Variants in PSAT1 observed in about 807,000 individuals in gnomAD.
PSAT1 encodes the protein phosphoserine aminotransferase 1, also known as phosphoserine aminotransferase.
Under a neutral mutation model 40.3 loss-of-function variants are expected in PSAT1, and 41 were observed. That is an observed-to-expected ratio of 1.02 (90% CI 0.79 to 1.32). The LOEUF (loss-of-function observed/expected upper bound fraction) is 1.32, where lower values mean the gene tolerates loss of function less well. Among genes scored for constraint, PSAT1 ranks in the 40% most tolerant of loss-of-function variants. PSAT1 has a pLI of 0.00. For synonymous variants in PSAT1, 147 were observed against 170.5 expected, an observed-to-expected ratio of 0.86 and a Z score of 1.07; for missense variants, 406 against 455.8, an observed-to-expected ratio of 0.89 and a Z score of 0.99.
At chr9:78,298,520 G>C (rs1828060412) in intron 1 of PSAT1, 1 of 798,474 alleles carries the variant, frequency 1.3e-6, no homozygotes, top group African/African-American at 1.9e-5. Context: ...TTTTAGGCGA[G>C]ATTCCCTGCT....
chr9:78,304,623 A>G (rs1437907343), intron 3 of PSAT1, 112 bp from the exon 4 acceptor site: 60 of 990,496 alleles, frequency 6.1e-5, no homozygotes, highest in Non-Finnish European at 9.3e-5. Context: ...TAACATTACC[A>G]TATTTCTTGT....
At chr9:78,326,956 T>TATATATATATATATATATA (rs1491277712) in intron 7 of PSAT1, among the ~76,000 whole-genome samples, 10 of 59,196 alleles carry the variant, frequency 1.7e-4, no homozygotes, top group Admixed American at 5.7e-4. Flanking sequence ...TATATATATA[T>TATATATATATATATATATA]TTTTTTTTTT....
intron 6 of PSAT1, among the ~76,000 whole-genome samples, chr9:78,311,455 C>T (rs900034763): frequency 7.3e-5 from 11 of 151,580 alleles, no homozygotes; most frequent in Admixed American, 1.3e-4. Context: ...CAGCAAGTTG[C>T]GATCAGGGTA....
At chr9:78,325,306 C>T (rs140403105) in intron 7 of PSAT1, among the ~76,000 whole-genome samples, 412 of 152,318 alleles carry the variant, frequency 2.7e-3, no homozygotes, top group African/African-American at 9.5e-3. Context: ...CTTCACCCCC[C>T]AGTCTCTCCT....
chr9:78,329,482 A>T lies in PSAT1; in HGVS notation c.*396A>T. The T allele has an allele frequency of 3.4e-6, 1 of 291,320 alleles. No homozygotes were observed. Among genetic ancestry groups the T allele is most frequent in the South Asian group, 3.4e-5 (1 of 29,232 alleles). 18.0% of individuals were successfully genotyped at this position (291,320 alleles called of 1,614,324 possible). ...GGGGCCCTCTAGGTGCTGAATCTACACATCTGTGGGGTCTCCTGGGTTCAG... is the reference window on the plus strand; with the variant it reads ...GGGGCCCTCTAGGTGCTGAATCTACTCATCTGTGGGGTCTCCTGGGTTCAG... On this transcript the variant is annotated 3_prime_UTR_variant, in exon 9 of 9. Coordinates refer to ENST00000376588, the MANE Select transcript of PSAT1 (RefSeq NM_058179.4).
chr9:78,321,913 A>G (rs1564018956), intron 7 of PSAT1, among the ~76,000 whole-genome samples: 2 of 152,266 alleles, frequency 1.3e-5, no homozygotes, highest in African/African-American at 4.8e-5. Flanking sequence ...CTGAATCAAG[A>G]ATATATAATA....
chr9:78,302,398 G>A (rs1162498116), intron 3 of PSAT1, among the ~76,000 whole-genome samples: 1 of 152,000 alleles, frequency 6.6e-6, no homozygotes, highest in Non-Finnish European at 1.5e-5. Flanking sequence ...AGTCTCATAC[G>A]ATCTGTCAGA....
chr9:78,325,665 A>C (rs1034921645), intron 7 of PSAT1, among the ~76,000 whole-genome samples: 1 of 152,116 alleles, frequency 6.6e-6, no homozygotes, highest in African/African-American at 2.4e-5. Context: ...CCTACGTATA[A>C]TTGTGATTCC....
chr9:78,320,157 C>T (rs759567481), intron 7 of PSAT1, among the ~76,000 whole-genome samples: 15 of 151,694 alleles, frequency 9.9e-5, no homozygotes, highest in Non-Finnish European at 2.2e-4. Context: ...ACCCACCCAT[C>T]CTTCCACCCA....
Position 78,301,992 on chromosome 9 carries a change from A to G in PSAT1, c.160A>G (p.Asn54Asp). 2 of 1,611,782 alleles carry G rather than the reference A, an allele frequency of 1.2e-6. No homozygotes were observed. The highest frequency in any genetic ancestry group is 1.7e-6 in the Non-Finnish European group (2 of 1,177,956). ...HRSSDFAKII[N>D]NTENLVRELL... ...GTCATCAGATTTTGCCAAGATTATT[A>G]ACAATACAGAGAATCTTGTGCGGGA... The change falls in exon 3 of 9, where the codon AAC (asparagine) becomes GAC (aspartate). Residue 54 changes from asparagine (N) to aspartate (D), a missense_variant. Coordinates refer to ENST00000376588, the MANE Select transcript of PSAT1 (RefSeq NM_058179.4).
At chr9:78,303,504 C>T (rs3758201) in intron 3 of PSAT1, among the ~76,000 whole-genome samples, 92,660 of 151,912 alleles carry the variant, frequency 0.61, 28,682 homozygotes, top group Admixed American at 0.68. Flanking sequence ...ACCTGGTTCC[C>T]ACCTTGTATA....
chr9:78,324,859 T>C (rs1001585673), intron 7 of PSAT1, among the ~76,000 whole-genome samples: 1 of 152,126 alleles, frequency 6.6e-6, no homozygotes, highest in Non-Finnish European at 1.5e-5. Context: ...TTTATGTGAG[T>C]GGTGCGGGGA....
At chr9:78,325,692 C>T (rs556008460) in intron 7 of PSAT1, among the ~76,000 whole-genome samples, 1 of 152,366 alleles carries the variant, frequency 6.6e-6, no homozygotes, top group South Asian at 2.1e-4. Flanking sequence ...AGCCATCTCT[C>T]TGTAGATTGG....
rs184944122 is a variant in PSAT1, at chr9:78,300,678, G to A, written c.121+16G>A. The A allele has an allele frequency of 2.2e-5, 26 of 1,193,004 alleles. No individual in the cohort carries two copies. In the African/African-American group the frequency reaches 3.8e-4, roughly 17 times the overall value. The allele number at this position is 1,193,004 out of a possible 1,614,324, so 73.9% of individuals were successfully genotyped here. Reference sequence around the variant, plus strand: ...AGTGTTCTTGGTAAGATTTACTTTTGAATTCTGTGAATGTCCATGTTTCAA... The same window carrying A: ...AGTGTTCTTGGTAAGATTTACTTTTAAATTCTGTGAATGTCCATGTTTCAA... On this transcript the variant is annotated intron_variant, in intron 2 of 8. Coordinates refer to ENST00000376588, the MANE Select transcript of PSAT1 (RefSeq NM_058179.4).
intron 1 of PSAT1, among the ~76,000 whole-genome samples, chr9:78,299,514 C>CTTTTTTTTTTTTTAATCTAATTTTTTT (rs1828076440): frequency 8.4e-6 from 1 of 118,524 alleles, no homozygotes; most frequent in Non-Finnish European, 1.6e-5. Context: ...TAATCTAATT[C>CTTTTTTTTTTTTTAATCTAATTTTTTT]TTTTTTTTTT....
intron 5 of PSAT1, 50 bp from the exon 6 acceptor site, chr9:78,308,364 A>T (rs1828215320): frequency 6.3e-7 from 1 of 1,591,138 alleles, no homozygotes; most frequent in Admixed American, 1.7e-5. Context: ...GCATACATGT[A>T]TGAAAAATGG....
chr9:78,302,499 C>T (rs960651347), intron 3 of PSAT1, among the ~76,000 whole-genome samples: 2 of 151,986 alleles, frequency 1.3e-5, no homozygotes, highest in Non-Finnish European at 2.9e-5. Flanking sequence ...GAGGCCGAGG[C>T]GGGTGGATCG....
At chr9:78,311,646 A>C (rs1430822771) in intron 6 of PSAT1, among the ~76,000 whole-genome samples, 1 of 152,070 alleles carries the variant, frequency 6.6e-6, no homozygotes, top group Admixed American at 6.5e-5. Flanking sequence ...AGCCAGACCA[A>C]CATGGTGAAA....
chr9:78,323,350 T>C (rs986980333), intron 7 of PSAT1, among the ~76,000 whole-genome samples: 1 of 152,158 alleles, frequency 6.6e-6, no homozygotes, highest in Non-Finnish European at 1.5e-5. Context: ...GTGGGAGAAT[T>C]GTTTGACCCC....
Sources: allele counts gnomAD v4.1 joint callset (sites outside exome capture counted in the v4.1 genomes callset), GRCh38; gene constraint gnomAD v4.1.1; transcripts MANE v1.5; gene names NCBI Gene and HGNC (gene_info 2026-07-23, HGNC 2026-07-21).